Variants in ZNF280D observed in about 807,000 individuals in gnomAD.
ZNF280D encodes suppressor of hairy wing homolog 4.
Under a neutral mutation model 94.7 loss-of-function variants are expected in ZNF280D, and 39 were observed. The ratio of observed to expected loss-of-function variants is 0.41; its 90% confidence interval spans 0.32 to 0.54. ZNF280D has a LOEUF of 0.54. Among genes scored for constraint, ZNF280D ranks in the 20% least tolerant of loss-of-function variants. The pLI is 0.22. For synonymous variants in ZNF280D, 398 were observed against 377.6 expected, an observed-to-expected ratio of 1.05 and a Z score of -0.63; for missense variants, 1,090 against 1,149.3, an observed-to-expected ratio of 0.95 and a Z score of 0.75.
In ZNF280D at chr15:56,693,206, T is replaced by C; in HGVS notation, c.391A>G (p.Thr131Ala). 6.4e-7 allele frequency: 1 copy of C among 1,571,836 alleles called. No individual in the cohort carries two copies. Among genetic ancestry groups the C allele is most frequent in the Non-Finnish European group, 8.7e-7 (1 of 1,155,556 alleles). The change falls in exon 7 of 22, where the codon ACA becomes GCA. Residue 131 changes from threonine to alanine, a missense_variant. Physicochemically the swap from Thr to Ala is moderately conservative, Grantham distance 58. Around this residue, in one of 3 missense-constraint regions of ZNF280D, gnomAD observed 386 missense variants for 372.0 expected, o/e 1.04. Transcript: ENST00000267807. Reference protein sequence around the residue: ...VQPFSKPGYITNSSRVVSNKS... With the variant: ...VQPFSKPGYIANSSRVVSNKS... Reference sequence around the variant, plus strand: ...TTAGACACAACTCGTGATGAGTTTGTTATATAACCCTGTTAAATAGTTCAA... The same window carrying C: ...TTAGACACAACTCGTGATGAGTTTGCTATATAACCCTGTTAAATAGTTCAA...
At chr15:56,697,892 C>T (rs1179329613) in intron 6 of ZNF280D, 1 of 152,096 alleles carries the variant, frequency 6.6e-6, no homozygotes, top group Non-Finnish European at 1.5e-5. Flanking sequence ...CTTTGCAAAG[C>T]TCTTAAATAT....
chr15:56,669,888 T>TATATAA (rs371784062), intron 13 of ZNF280D, among the ~76,000 whole-genome samples: 1 of 4,768 alleles, frequency 2.1e-4, no homozygotes, highest in African/African-American at 4.8e-4. Flanking sequence ...TATATATATA[T>TATATAA]TATATATATA....
chr15:56,715,755 T>C (rs1226677198), intron 1 of ZNF280D, among the ~76,000 whole-genome samples: 1 of 152,160 alleles, frequency 6.6e-6, no homozygotes, highest in Admixed American at 6.6e-5. Flanking sequence ...ATTGAAGATG[T>C]ACTGCTGAAG....
intron 1 of ZNF280D, among the ~76,000 whole-genome samples, chr15:56,722,394 C>T (rs1247343098): frequency 6.6e-6 from 1 of 152,174 alleles, no homozygotes; most frequent in Non-Finnish European, 1.5e-5. Flanking sequence ...CTGCAAACCA[C>T]AACAAGTGAA....
At chr15:56,654,707 A>G (rs1427975432) in intron 17 of ZNF280D, 1 of 616,042 alleles carries the variant, frequency 1.6e-6, no homozygotes, top group South Asian at 1.6e-5. Flanking sequence ...TTATTTACAG[A>G]AAGTATTTAT....
At chr15:56,657,783 T>C (rs1189727558) in intron 17 of ZNF280D, among the ~76,000 whole-genome samples, 1 of 152,072 alleles carries the variant, frequency 6.6e-6, no homozygotes, top group Non-Finnish European at 1.5e-5. Context: ...GAATGTAAAA[T>C]AGTGGAGCTA....
intron 4 of ZNF280D, among the ~76,000 whole-genome samples, chr15:56,702,900 A>G (rs559316524): frequency 4.3e-5 from 6 of 139,022 alleles, no homozygotes; most frequent in Non-Finnish European, 9.2e-5. Context: ...AAGCACTACC[A>G]TGGTAAGTAA....
chr15:56,657,840 A>G (rs2053653686), intron 17 of ZNF280D, among the ~76,000 whole-genome samples: 1 of 152,166 alleles, frequency 6.6e-6, no homozygotes, highest in African/African-American at 2.4e-5. Flanking sequence ...GCATGGAGTT[A>G]TCAAACAGAC....
intron 19 of ZNF280D, among the ~76,000 whole-genome samples, chr15:56,645,718 T>C (rs530829968): frequency 6.6e-6 from 1 of 152,232 alleles, no homozygotes; most frequent in South Asian, 2.1e-4. Context: ...GGCTAATTTT[T>C]GTATTTTTAG....
rs191407142 is a variant in ZNF280D, at chr15:56,710,295, T to C, written c.-85-2989A>G. 2.6e-5 allele frequency among the ~76,000 whole-genome samples: 4 copies of C among 152,278 alleles called. No individual in the cohort carries two copies. In the East Asian group the frequency reaches 7.7e-4, roughly 29 times the overall value. Reference sequence around the variant, plus strand: ...GGCACACGCCTGTAGTCCCAGCTACTTGGGAAGCTGAGGCAGGAGAATCGC... The same window carrying C: ...GGCACACGCCTGTAGTCCCAGCTACCTGGGAAGCTGAGGCAGGAGAATCGC... On this transcript the variant is annotated intron_variant, in intron 1 of 21. Coordinates refer to ENST00000267807, the MANE Select transcript of ZNF280D (RefSeq NM_017661.4).
At chr15:56,669,921 TATATTATA>T (rs1400926404) in intron 13 of ZNF280D, among the ~76,000 whole-genome samples, 1 of 7,938 alleles carries the variant, frequency 1.3e-4, no homozygotes, top group African/African-American at 3.8e-4. Context: ...ATATTATATA[TATATTATA>T]TATATATTAT....
At chr15:56,669,541 C>CAATA (rs2054532413) in intron 13 of ZNF280D, among the ~76,000 whole-genome samples, 3 of 151,602 alleles carry the variant, frequency 2.0e-5, no homozygotes, top group East Asian at 3.9e-4. Flanking sequence ...GAAATGTGGC[C>CAATA]ACTGTGACTA....
intron 6 of ZNF280D, among the ~76,000 whole-genome samples, chr15:56,696,042 T>C (rs1042705486): frequency 2.0e-5 from 3 of 152,210 alleles, no homozygotes; most frequent in Non-Finnish European, 4.4e-5. Flanking sequence ...TTACTAACTT[T>C]TCTATTGACA....
chr15:56,653,639 T>C (rs983707113), intron 19 of ZNF280D: 3 of 1,423,868 alleles, frequency 2.1e-6, no homozygotes, highest in Non-Finnish European at 1.8e-6. Context: ...AGACAACGAA[T>C]GAGAAAAAGA....
At chr15:56,669,879 A>ATATAT (rs55701523) in intron 13 of ZNF280D, among the ~76,000 whole-genome samples, 4 of 10,248 alleles carry the variant, frequency 3.9e-4, no homozygotes, top group Admixed American at 2.3e-3. Context: ...TATTTTATAT[A>ATATAT]TATATATATT....
chr15:56,666,535 C>G lies in ZNF280D; in HGVS notation c.1854G>C (p.Arg618Ser). ...SKVNTALRNL[R>S]YRRGIHKCIE... The stretch of plus-strand genomic sequence containing the variant: ...TGCATTTGTGAATGCCCCGACGATA[C>G]CTTAGGGAGACATTAAAAAAATGAT... The change falls in exon 16 of 22, where the codon AGG (arginine) becomes AGC (serine). Residue 618 changes from arginine (R) to serine (S), a missense_variant and splice_region_variant. Arg to Ser is a moderately radical substitution (Grantham distance 110). Around this residue, in one of 3 missense-constraint regions of ZNF280D, gnomAD observed 577 missense variants for 568.8 expected, o/e 1.01. Transcript: ENST00000267807. 1.3e-6 allele frequency: 2 copies of G among 1,569,890 alleles called. No homozygotes were observed. The highest frequency in any genetic ancestry group is 1.7e-6 in the Non-Finnish European group (2 of 1,167,948).
Position 56,733,473 on chromosome 15 carries a change from T to A in ZNF280D, c.-101A>T. 2 of 1,102,400 alleles carry A rather than the reference T, an allele frequency of 1.8e-6. No individual in the cohort carries two copies. Among genetic ancestry groups the A allele is most frequent in the Non-Finnish European group, 2.2e-6 (2 of 897,670 alleles). 68.3% of individuals were successfully genotyped at this position (1,102,400 alleles called of 1,614,324 possible). A position where few individuals can be genotyped will look rare whatever the true frequency, so the allele number is the denominator to read the frequency against. On this transcript the variant is annotated 5_prime_UTR_variant, in exon 1 of 22. Coordinates refer to ENST00000267807, the MANE Select transcript of ZNF280D (RefSeq NM_017661.4). ...GGGCGCTTACCGTGAGCGGAGCGGA[T>A]CGGCCTGACTGGAGCCCTGAGGAGG...
chr15:56,700,432 C>T (rs1234518718), intron 6 of ZNF280D: 23 of 778,222 alleles, frequency 3.0e-5, no homozygotes, highest in Non-Finnish European at 3.6e-5. Flanking sequence ...ATATTAACAG[C>T]TCAATGAATG....
At chr15:56,647,332 A>G (rs950642053) in intron 19 of ZNF280D, among the ~76,000 whole-genome samples, 3 of 152,190 alleles carry the variant, frequency 2.0e-5, no homozygotes, top group Non-Finnish European at 2.9e-5. Flanking sequence ...GACCCCCTCA[A>G]ATGCCTGCCC....
Sources: allele counts gnomAD v4.1 joint callset (sites outside exome capture counted in the v4.1 genomes callset), GRCh38; gene constraint gnomAD v4.1.1; regional missense constraint gnomAD v4.1.1; transcripts MANE v1.5; gene names NCBI Gene and HGNC (gene_info 2026-07-23, HGNC 2026-07-21).